Variants in LIMK2 observed in about 807,000 individuals in gnomAD.
LIMK2 encodes LIM domain kinase 2.
Under a neutral mutation model 75.7 loss-of-function variants are expected in LIMK2, and 35 were observed. That is an observed-to-expected ratio of 0.46 (90% CI 0.35 to 0.61). LIMK2 has a LOEUF of 0.61. Ranked by LOEUF, LIMK2 falls within the 20% of genes least tolerant of loss-of-function variation. The pLI is 0.00. For synonymous variants in LIMK2, 301 were observed against 319.2 expected, an observed-to-expected ratio of 0.94 and a Z score of 0.61; for missense variants, 623 against 831.0, an observed-to-expected ratio of 0.75 and a Z score of 3.08.
chr22:31,261,439 G>A lies in LIMK2; in HGVS notation c.552-695G>A, dbSNP rs557975376. Among the ~76,000 whole-genome samples, 7 of 152,206 alleles carry A rather than the reference G, an allele frequency of 4.6e-5. 1 individual carries two copies. The South Asian group carries it at 8.3e-4, about 18-fold the overall frequency. On this transcript the variant is annotated intron_variant, in intron 5 of 15. Transcript: ENST00000331728. ...CGGACGCCTGTAGTCCCAGCTACTC[G>A]GGAGGCTGAGGCAGGAGAATGGCAT...
intron 1 of LIMK2, among the ~76,000 whole-genome samples, chr22:31,225,485 A>G (rs1323236375): frequency 6.6e-6 from 1 of 152,236 alleles, no homozygotes; most frequent in African/African-American, 2.4e-5. Flanking sequence ...ATTTTTAGAA[A>G]ATGGAATGAG....
rs150341235 is a variant in LIMK2, at chr22:31,230,509, A to G, written c.116+4690A>G. Among the ~76,000 whole-genome samples the G allele has an allele frequency of 1.6e-3, 247 of 152,216 alleles. 2 individuals are homozygous for G. The highest frequency in any genetic ancestry group is 5.7e-3 in the African/African-American group (238 of 41,528). ...CTTGATGGCCCCAGCGTGGGTCTCT[A>G]TTGCTTGACCTGGTTCCTAGCAGCA... On this transcript the variant is annotated intron_variant, in intron 2 of 15. Coordinates refer to ENST00000331728, the MANE Select transcript of LIMK2 (RefSeq NM_005569.4).
Position 31,259,295 on chromosome 22 carries a change from C to T in LIMK2, c.362+65C>T. The T allele has an allele frequency of 4.0e-6, 4 of 998,532 alleles. No individual in the cohort carries two copies. In the South Asian group the frequency reaches 5.3e-5, roughly 13 times the overall value. 61.9% of individuals were successfully genotyped at this position (998,532 alleles called of 1,614,324 possible). A position where few individuals can be genotyped will look rare whatever the true frequency, so the allele number is the denominator to read the frequency against. On this transcript the variant is annotated intron_variant, in intron 4 of 15. Transcript: ENST00000331728. Reference sequence around the variant, plus strand: ...AGTGGCTGGCGGGGAGGGACAGTGGCAGGGTGAGTTGGGCAGAAGGAGTGT... The same window carrying T: ...AGTGGCTGGCGGGGAGGGACAGTGGTAGGGTGAGTTGGGCAGAAGGAGTGT...
At position 31,278,467 on chromosome 22, in the gene LIMK2, G is replaced by T. The variant is rs201908679; in HGVS notation, c.*26G>T. The stretch of plus-strand genomic sequence containing the variant: ...CCCTGGCCCAGCCCCCTGCAGGGGG[G>T]TGTTCTACAGCCAGCATTGCCCCTC... On this transcript the variant is annotated 3_prime_UTR_variant, in exon 16 of 16. Coordinates refer to ENST00000331728, the MANE Select transcript of LIMK2 (RefSeq NM_005569.4). 3 of 1,573,594 alleles carry T rather than the reference G, an allele frequency of 1.9e-6. No individual in the cohort carries two copies. Among genetic ancestry groups the T allele is most frequent in the African/African-American group, 1.4e-5 (1 of 73,988 alleles).
At position 31,260,030 on chromosome 22, in the gene LIMK2, C is replaced by A; in HGVS notation, c.504C>A (p.Ser168=). ...AAGGCAGGCGGGGCTTCTCCGTGTCCGTGGAGAGTGCCTGCTCCAACTACG... is the reference window on the plus strand; with the variant it reads ...AAGGCAGGCGGGGCTTCTCCGTGTCAGTGGAGAGTGCCTGCTCCAACTACG... ...TTEGRRGFSV[S]VESACSNYAT... is the part of the protein sequence containing the mutation. The change falls in exon 5 of 16, where the codon TCC becomes TCA. Residue 168 remains serine, a synonymous_variant. Transcript: ENST00000331728. 6.2e-7 allele frequency: 1 copy of A among 1,606,324 alleles called. No individual in the cohort carries two copies. Among genetic ancestry groups the A allele is most frequent in the Non-Finnish European group, 8.5e-7 (1 of 1,177,716 alleles).
rs781424623 is a variant in LIMK2, at chr22:31,265,964, C to T, written c.873C>T (p.Ser291=). Residue 291 remains serine, a synonymous_variant, in exon 8 of 16, where the codon TCC becomes TCT. Coordinates refer to ENST00000331728, the MANE Select transcript of LIMK2 (RefSeq NM_005569.4). ...RRSLRRSNSI[S]KSPGPSSPKE... is the part of the protein sequence containing the mutation. Reference sequence around the variant, plus strand: ...TCTTCAGGCGCAGTAACAGTATCTCCAAGTCCCCTGGCCCCAGCTCCCCAA... The same window carrying T: ...TCTTCAGGCGCAGTAACAGTATCTCTAAGTCCCCTGGCCCCAGCTCCCCAA... The T allele has an allele frequency of 3.7e-6, 6 of 1,614,014 alleles. No individual in the cohort carries two copies. The highest frequency in any genetic ancestry group is 4.2e-6 in the Non-Finnish European group (5 of 1,180,020).
chr22:31,261,506 A>G (rs779902684), intron 5 of LIMK2, among the ~76,000 whole-genome samples: 2 of 151,056 alleles, frequency 1.3e-5, no homozygotes, highest in Non-Finnish European at 2.9e-5. Context: ...AGATCACGCC[A>G]CTGCACTCCA....
At chr22:31,234,122 C>T (rs1238528821) in intron 2 of LIMK2, among the ~76,000 whole-genome samples, 1 of 151,992 alleles carries the variant, frequency 6.6e-6, no homozygotes, top group Non-Finnish European at 1.5e-5. Context: ...AAGCAATTCT[C>T]CTGCCTCAGC....
At chr22:31,221,087 G>A (rs2048429822) in intron 1 of LIMK2, among the ~76,000 whole-genome samples, 1 of 152,174 alleles carries the variant, frequency 6.6e-6, no homozygotes, top group Admixed American at 6.5e-5. Flanking sequence ...TAGAAAATAG[G>A]TCAAAATGTA....
chr22:31,248,470 T>C, intron 2 of LIMK2: 1 of 1,504,302 alleles, frequency 6.6e-7, no homozygotes, highest in Non-Finnish European at 8.9e-7. Flanking sequence ...AGGGGCCGCC[T>C]GAGCTTCTGA....
At chr22:31,271,342 C>G in intron 12 of LIMK2, 141 bp downstream of exon 12, 1 of 715,662 alleles carries the variant, frequency 1.4e-6, no homozygotes, top group Non-Finnish European at 2.5e-6. Context: ...CCTGCTTCTT[C>G]CAATGCCCTT....
At chr22:31,221,340 CT>C (rs2048431636) in intron 1 of LIMK2, among the ~76,000 whole-genome samples, 1 of 151,444 alleles carries the variant, frequency 6.6e-6, no homozygotes, top group African/African-American at 2.4e-5. Flanking sequence ...TCCTTCCCCC[CT>C]TTTTTGCCCC....
In LIMK2 at chr22:31,273,606, C is replaced by G; in HGVS notation, c.1614+99C>G. The G allele has an allele frequency of 2.2e-6, 2 of 901,966 alleles. 1 individual carries two copies. The highest frequency in any genetic ancestry group is 2.7e-5 in the South Asian group (2 of 74,856). The allele number at this position is 901,966 out of a possible 1,614,324, so 55.9% of individuals were successfully genotyped here. On this transcript the variant is annotated intron_variant, in intron 14 of 15. Transcript: ENST00000331728. ...CTCCTCCTAGGGATGACTAGCTTGA[C>G]TAAAATCAACATGGGTGTAGGGTTT...
intron 1 of LIMK2, 50 bp from the exon 2 acceptor site, chr22:31,225,670 C>T: frequency 7.2e-7 from 1 of 1,393,826 alleles, no homozygotes; most frequent in Admixed American, 1.8e-5. Context: ...AATCCTGTCC[C>T]TTTGCCTCCT....
At position 31,212,353 on chromosome 22, in the gene LIMK2, G is replaced by C; in HGVS notation, c.-56G>C. ...GAGCTGAGGGGAGTTGTAGGGAACT[G>C]AGGGGAGCTGCTGTGTCCCCCGCCT... is the stretch of plus-strand genomic sequence containing the variant. On this transcript the variant is annotated 5_prime_UTR_variant, in exon 1 of 16. Transcript: ENST00000331728. 1 of 1,326,850 alleles carries C rather than the reference G, an allele frequency of 7.5e-7. No homozygotes were observed. Among genetic ancestry groups the C allele is most frequent in the South Asian group, 2.8e-5 (1 of 35,908 alleles). The allele number at this position is 1,326,850 out of a possible 1,614,324, so 82.2% of individuals were successfully genotyped here. A position where few individuals can be genotyped will look rare whatever the true frequency, so the allele number is the denominator to read the frequency against.
At chr22:31,269,534 C>T (rs912526163) in intron 11 of LIMK2, among the ~76,000 whole-genome samples, 11 of 151,450 alleles carry the variant, frequency 7.3e-5, no homozygotes, top group Admixed American at 2.0e-4. Flanking sequence ...TTTGGGAGGC[C>T]GAGGTGAGTG....
At position 31,237,078 on chromosome 22, in the gene LIMK2, A is replaced by G. The variant is rs978566141; in HGVS notation, c.116+11259A>G. Among the ~76,000 whole-genome samples, 29 of 148,508 alleles carry G rather than the reference A, an allele frequency of 2.0e-4. 1 individual carries two copies. Among genetic ancestry groups the G allele is most frequent in the Admixed American group, 1.7e-3 (25 of 14,902 alleles). On this transcript the variant is annotated intron_variant, in intron 2 of 15. Transcript: ENST00000331728. ...AGATCGAGACCATCCTGGCTAACACAGTGAAACCGCGTCTCTACTAAAAAT... is the reference window on the plus strand; with the variant it reads ...AGATCGAGACCATCCTGGCTAACACGGTGAAACCGCGTCTCTACTAAAAAT...
chr22:31,242,079 C>G (rs1348521168), intron 2 of LIMK2, among the ~76,000 whole-genome samples: 2 of 152,104 alleles, frequency 1.3e-5, no homozygotes, highest in African/African-American at 4.8e-5. Flanking sequence ...GTTCTTGTAT[C>G]TGATTTTTCT....
At chr22:31,233,998 G>A (rs148843261) in intron 2 of LIMK2, among the ~76,000 whole-genome samples, 14 of 152,144 alleles carry the variant, frequency 9.2e-5, no homozygotes, top group African/African-American at 2.9e-4. Context: ...GCAGTTGGAA[G>A]GAGTGATTTT....
Sources: gnomAD v4.1 joint callset for allele counts (sites outside exome capture counted in the v4.1 genomes callset) on GRCh38, gnomAD v4.1.1 for gene constraint, MANE v1.5 for transcripts, NCBI Gene and HGNC (gene_info 2026-07-23, HGNC 2026-07-21) for gene names.